SGIP1: variants seen among roughly 807,000 people sequenced by gnomAD.
SGIP1 encodes SH3GL interacting endocytic adaptor 1.
In SGIP1, 38 loss-of-function variants were observed where a neutral mutation model predicts 107.5. The observed-to-expected ratio is 0.35, with a 90% CI of 0.27 to 0.46. The LOEUF (loss-of-function observed/expected upper bound fraction) is 0.46. SGIP1 is among the 20% of genes least tolerant of loss of function. The pLI is 1.00. For missense variants in SGIP1, 929 were observed against 1,019.5 expected, an observed-to-expected ratio of 0.91 and a Z score of 1.21; for synonymous variants, 365 against 366.1, an observed-to-expected ratio of 1.00 and a Z score of 0.03.
At chr1:66,655,555 A>G (rs1343794658) in intron 7 of SGIP1, among the ~76,000 whole-genome samples, 2 of 152,196 alleles carry the variant, frequency 1.3e-5, no homozygotes, top group African/African-American at 2.4e-5. Context: ...CACAGAGTGC[A>G]CTTACACAAA....
chr1:66,724,512 G>T (rs1472068498), intron 19 of SGIP1, among the ~76,000 whole-genome samples: 1 of 152,158 alleles, frequency 6.6e-6, no homozygotes, highest in Non-Finnish European at 1.5e-5. Context: ...TTCTGGCTCT[G>T]ACAGTTGTGA....
At chr1:66,699,178 A>G (rs2091489535) in intron 18 of SGIP1, among the ~76,000 whole-genome samples, 1 of 152,002 alleles carries the variant, frequency 6.6e-6, no homozygotes, top group Admixed American at 6.6e-5. Context: ...CATCACTTCC[A>G]TAGCACTCTC....
rs75589355 is a variant in SGIP1, at chr1:66,654,219, T to C, written c.460-6294T>C. ...AGCAAATTTATGGTCTCAGTTGCTTTGATCTTTTCCTCTTCAACTTAACCA... is the reference window on the plus strand; with the variant it reads ...AGCAAATTTATGGTCTCAGTTGCTTCGATCTTTTCCTCTTCAACTTAACCA... On this transcript the variant is annotated intron_variant, in intron 7 of 24. Transcript: ENST00000371037. Among the ~76,000 whole-genome samples the C allele has an allele frequency of 1.4e-3, 218 of 152,348 alleles. 4 individuals carry two copies. The East Asian group carries it at 0.037, about 26-fold the overall frequency.
rs749126311 is a variant in SGIP1 at position 66,633,074 on chromosome 1, T to G, written c.79T>G (p.Ser27Ala). Residue 27 changes from serine (S) to alanine (A), a missense_variant, in exon 3 of 25, where the codon TCA (serine) becomes GCA (alanine). Physicochemically the swap from Ser to Ala is moderately conservative, Grantham distance 99 (BLOSUM62 1). This residue lies in a region of SGIP1 where 588 missense variants were observed against 588.6 expected (regional missense o/e 1.00). Coordinates refer to ENST00000371037, the MANE Select transcript of SGIP1 (RefSeq NM_032291.4). ...ATCAATTTCTTTTTGTTACAGAGGT[T>G]CACCAGATAGAGATGGAATTGTAAG... ...KKEKDTDSTG[S>A]PDRDGIQPSP... 1 of 1,538,320 alleles carries G rather than the reference T, an allele frequency of 6.5e-7. No homozygotes were observed. Among genetic ancestry groups the G allele is most frequent in the Non-Finnish European group, 9.0e-7 (1 of 1,112,270 alleles).
At chr1:66,724,491 G>A (rs573326045) in intron 19 of SGIP1, among the ~76,000 whole-genome samples, 2 of 152,230 alleles carry the variant, frequency 1.3e-5, no homozygotes, top group South Asian at 4.2e-4. Flanking sequence ...GGATTAATAA[G>A]TCAGCAAAAG....
chr1:66,667,400 C>T, intron 8 of SGIP1, 130 bp from the exon 9 acceptor site: 2 of 862,630 alleles, frequency 2.3e-6, no homozygotes, highest in African/African-American at 1.7e-5. Context: ...TGCCTGTCTT[C>T]CTTTGGCCTG....
chr1:66,677,697 T>C (rs900150365), intron 13 of SGIP1, among the ~76,000 whole-genome samples: 6 of 152,216 alleles, frequency 3.9e-5, no homozygotes, highest in African/African-American at 1.4e-4. Flanking sequence ...TCACCGGTGG[T>C]GGGTTGGGCT....
chr1:66,734,951 T>C (rs1050217094), intron 21 of SGIP1, among the ~76,000 whole-genome samples: 6 of 152,222 alleles, frequency 3.9e-5, no homozygotes, highest in Admixed American at 6.5e-5. Flanking sequence ...TAGTTATTTT[T>C]GTGATGAGAA....
chr1:66,577,036 A>G (rs1310203875), intron 1 of SGIP1, among the ~76,000 whole-genome samples: 6 of 152,154 alleles, frequency 3.9e-5, no homozygotes, highest in Non-Finnish European at 8.8e-5. Flanking sequence ...GTTTTTGAGA[A>G]GGGCAACTTT....
At position 66,737,738 on chromosome 1, in the gene SGIP1, G is replaced by A. The variant is rs1043181866; in HGVS notation, c.2032-1597G>A. 9.2e-5 allele frequency among the ~76,000 whole-genome samples: 14 copies of A among 152,168 alleles called. 1 individual carries two copies. Among genetic ancestry groups the A allele is most frequent in the Non-Finnish European group, 2.1e-4 (14 of 68,034 alleles). ...TATATTCCAAAGTACTTTGTGAAAT[G>A]TCAACAGTCCTAGACTTGCTGTTTT... is the stretch of plus-strand genomic sequence containing the variant. On this transcript the variant is annotated intron_variant, in intron 21 of 24. Coordinates refer to ENST00000371037, the MANE Select transcript of SGIP1 (RefSeq NM_032291.4).
At chr1:66,608,051 G>T (rs750639577) in intron 1 of SGIP1, among the ~76,000 whole-genome samples, 1 of 152,178 alleles carries the variant, frequency 6.6e-6, no homozygotes, top group Non-Finnish European at 1.5e-5. Flanking sequence ...TCCAGACAGC[G>T]TGAAAATGGG....
Position 66,673,260 on chromosome 1 carries a change from G to A in SGIP1, c.561-21G>A, listed in dbSNP as rs1557565397. 1.9e-6 allele frequency: 3 copies of A among 1,611,754 alleles called. No homozygotes were observed. The Admixed American group carries it at 5.0e-5, about 27-fold the overall frequency. On this transcript the variant is annotated intron_variant, in intron 11 of 24. Coordinates refer to ENST00000371037, the MANE Select transcript of SGIP1 (RefSeq NM_032291.4). ...TTTTTGAGCCCTTTCCCTGTATTTT[G>A]CCTTAATGTGTGTGATTTAGCAAAA... is the stretch of plus-strand genomic sequence containing the variant.
chr1:66,725,975 T>C (rs1376826643), intron 19 of SGIP1, among the ~76,000 whole-genome samples: 1 of 152,218 alleles, frequency 6.6e-6, no homozygotes, highest in African/African-American at 2.4e-5. Context: ...TTGCAAGATC[T>C]GGGCATTGTG....
intron 15 of SGIP1, among the ~76,000 whole-genome samples, chr1:66,685,929 T>C (rs922748209): frequency 6.6e-6 from 1 of 152,208 alleles, no homozygotes; most frequent in Non-Finnish European, 1.5e-5. Flanking sequence ...TAGCATACAA[T>C]CATTTACATA....
chr1:66,635,135 G>C (rs2075532630), intron 3 of SGIP1, among the ~76,000 whole-genome samples: 1 of 152,230 alleles, frequency 6.6e-6, no homozygotes, highest in Non-Finnish European at 1.5e-5. Context: ...TTAATGTACT[G>C]TTGTTTATTT....
At chr1:66,576,738 C>A (rs2061121994) in intron 1 of SGIP1, among the ~76,000 whole-genome samples, 1 of 152,154 alleles carries the variant, frequency 6.6e-6, no homozygotes, top group Non-Finnish European at 1.5e-5. Context: ...TCCCTCCTCT[C>A]AGAGTAGATA....
intron 18 of SGIP1, among the ~76,000 whole-genome samples, chr1:66,698,893 T>C (rs17129353): frequency 0.013 from 1,909 of 151,590 alleles, 42 homozygotes; most frequent in African/African-American, 0.044. Flanking sequence ...TACAAAATCA[T>C]CTCGTATGTG....
At chr1:66,549,156 TTCCTTCCTTCC>T (rs2056988983) in intron 1 of SGIP1, among the ~76,000 whole-genome samples, 2 of 148,650 alleles carry the variant, frequency 1.3e-5, no homozygotes, top group East Asian at 4.0e-4. Flanking sequence ...CCTTCCTTCC[TTCCTTCCTTCC>T]TTCCTTCCTT....
intron 17 of SGIP1, among the ~76,000 whole-genome samples, chr1:66,692,873 C>T (rs981407676): frequency 5.3e-5 from 8 of 152,142 alleles, no homozygotes; most frequent in African/African-American, 1.9e-4. Flanking sequence ...GCTGTGATTA[C>T]ACAATAGCAA....
Sources: gnomAD v4.1 joint callset for allele counts (sites outside exome capture counted in the v4.1 genomes callset) on GRCh38, gnomAD v4.1.1 for gene constraint, gnomAD v4.1.1 regional missense constraint, MANE v1.5 for transcripts, NCBI Gene and HGNC (gene_info 2026-07-23, HGNC 2026-07-21) for gene names.